Variants in COP1 observed in about 807,000 individuals in gnomAD.
COP1 encodes the protein COP1 E3 ubiquitin ligase, also known as E3 ubiquitin-protein ligase COP1.
A neutral mutation model predicts 101.3 loss-of-function variants in COP1; 24 were observed. The ratio of observed to expected loss-of-function variants is 0.24; its 90% CI spans 0.17 to 0.33. The LOEUF (loss-of-function observed/expected upper bound fraction) is 0.33. COP1 is among the 10% of genes least tolerant of loss of function. The pLI, the probability that COP1 is intolerant of heterozygous loss-of-function variation, is 1.00. For missense variants in COP1, 663 were observed against 906.2 expected (o/e 0.73, Z 3.45); for synonymous variants, 347 against 341.9 (o/e 1.01, Z -0.17).
At chr1:176,001,255 A>T (rs765815659) in intron 15 of COP1, among the ~76,000 whole-genome samples, 1 of 152,146 alleles carries the variant, frequency 6.6e-6, no homozygotes, top group Non-Finnish European at 1.5e-5. Flanking sequence ...ATCATCAGAA[A>T]CATCTATTTC....
intron 5 of COP1, among the ~76,000 whole-genome samples, chr1:176,151,349 AAGAAAAAGAAAGAAAG>A (rs1476954125): frequency 6.0e-5 from 8 of 132,658 alleles, no homozygotes; most frequent in Admixed American, 5.5e-4. Context: ...GAAGGAAAGA[AAGAAAAAGAAAGAAAG>A]AAAGAAAGAA....
intron 3 of COP1, among the ~76,000 whole-genome samples, chr1:176,173,630 G>A (rs1437651282): frequency 6.8e-6 from 1 of 148,108 alleles, no homozygotes; most frequent in Non-Finnish European, 1.5e-5. Flanking sequence ...AGAGTGGGGC[G>A]CTGTCTCAAA....
Position 176,071,727 on chromosome 1 carries a change from C to T in COP1, c.1277+9425G>A, listed in dbSNP as rs565522734. Reference sequence around the variant, plus strand: ...ACTACAAAGATCTTCCTTATATTAACCTTAAAATGTGGCTTCTAGACGTAA... The same window carrying T: ...ACTACAAAGATCTTCCTTATATTAATCTTAAAATGTGGCTTCTAGACGTAA... On this transcript the variant is annotated intron_variant, in intron 11 of 19. Transcript: ENST00000367669. Among the ~76,000 whole-genome samples, 8 of 152,278 alleles carry T rather than the reference C, an allele frequency of 5.3e-5. No homozygotes were observed. The East Asian group carries it at 7.7e-4, about 15-fold the overall frequency.
At chr1:176,202,500 T>C (rs1273134366) in intron 1 of COP1, among the ~76,000 whole-genome samples, 1 of 152,042 alleles carries the variant, frequency 6.6e-6, no homozygotes, top group African/African-American at 2.4e-5. Context: ...CACTTTTTAA[T>C]AGTCTGAAAA....
intron 5 of COP1, among the ~76,000 whole-genome samples, chr1:176,154,530 C>T (rs770516287): frequency 2.0e-5 from 3 of 152,084 alleles, no homozygotes; most frequent in Admixed American, 6.5e-5. Flanking sequence ...CAAACTAACA[C>T]AGGACGAAAA....
chr1:175,964,178 T>C (rs1019327186), intron 18 of COP1, among the ~76,000 whole-genome samples: 5 of 152,196 alleles, frequency 3.3e-5, no homozygotes, highest in South Asian at 2.1e-4. Context: ...TAATACTTAA[T>C]GGTGATAGGA....
intron 11 of COP1, among the ~76,000 whole-genome samples, chr1:176,080,840 T>C (rs1385409963): frequency 1.3e-5 from 2 of 152,116 alleles, no homozygotes; most frequent in African/African-American, 2.4e-5. Flanking sequence ...TAATACCAAT[T>C]CTATACAAAC....
intron 13 of COP1, 115 bp downstream of exon 13, chr1:176,043,595 T>A (rs1671013279): frequency 4.2e-6 from 3 of 712,268 alleles, no homozygotes; most frequent in Middle Eastern, 4.1e-4. Flanking sequence ...TACACAGGTA[T>A]AAAAAATACT....
chr1:176,086,473 GCCT>G, intron 9 of COP1, among the ~76,000 whole-genome samples: 1 of 152,042 alleles, frequency 6.6e-6, no homozygotes, highest in South Asian at 2.1e-4. Context: ...TGATCCACCC[GCCT>G]CGGCCTCCCA....
chr1:176,096,806 T>C (rs552144313), intron 9 of COP1, among the ~76,000 whole-genome samples: 18 of 152,342 alleles, frequency 1.2e-4, no homozygotes, highest in African/African-American at 4.3e-4. Context: ...CTGCTTTACA[T>C]AACTTTCTGT....
At chr1:176,184,519 A>C in intron 2 of COP1, 114 bp downstream of exon 2, 1 of 779,006 alleles carries the variant, frequency 1.3e-6, no homozygotes, top group Non-Finnish European at 2.1e-6. Flanking sequence ...AAGAAAAAAA[A>C]TATGACTGTA....
At chr1:176,140,396 C>T (rs1175159018) in intron 6 of COP1, among the ~76,000 whole-genome samples, 1 of 152,108 alleles carries the variant, frequency 6.6e-6, no homozygotes, top group Admixed American at 6.6e-5. Flanking sequence ...GACAAGGTAT[C>T]AGGCAAGAAA....
chr1:175,961,564 C>G (rs1361446205), intron 18 of COP1, among the ~76,000 whole-genome samples: 1 of 151,858 alleles, frequency 6.6e-6, no homozygotes, highest in East Asian at 1.9e-4. Context: ...GGTGTGGTGG[C>G]TCATGCCTGT....
intron 14 of COP1, among the ~76,000 whole-genome samples, chr1:176,038,726 G>C (rs1047957248): frequency 3.3e-5 from 5 of 151,952 alleles, no homozygotes; most frequent in Non-Finnish European, 7.4e-5. Context: ...GCTGAGGCAG[G>C]AGAATCGCTT....
chr1:176,194,064 A>G (rs1414605518), intron 1 of COP1, among the ~76,000 whole-genome samples: 1 of 152,204 alleles, frequency 6.6e-6, no homozygotes, highest in Non-Finnish European at 1.5e-5. Context: ...TGTATATGAA[A>G]TATTTGAAGG....
chr1:176,042,358 T>C (rs61820968), intron 14 of COP1, among the ~76,000 whole-genome samples: 16,005 of 148,646 alleles, frequency 0.11, 945 homozygotes, highest in Middle Eastern at 0.17. Flanking sequence ...TGAGGTCAGT[T>C]TGATACCAGT....
chr1:176,057,969 C>T (rs1459137101), intron 11 of COP1, among the ~76,000 whole-genome samples: 2 of 151,340 alleles, frequency 1.3e-5, no homozygotes, highest in African/African-American at 2.4e-5. Flanking sequence ...ATATGAGGAG[C>T]GTCTCTGCCT....
At chr1:176,145,738 T>C (rs578090577) in intron 6 of COP1, among the ~76,000 whole-genome samples, 31 of 151,624 alleles carry the variant, frequency 2.0e-4, no homozygotes, top group African/African-American at 7.3e-4. Flanking sequence ...GAATAAAAGA[T>C]TACATACTGC....
At chr1:176,098,561 T>C (rs1682832358) in intron 9 of COP1, among the ~76,000 whole-genome samples, 1 of 152,238 alleles carries the variant, frequency 6.6e-6, no homozygotes. Context: ...TGTGTTAACA[T>C]ATTGACTAAC....
Sources: gnomAD v4.1 joint callset for allele counts (sites outside exome capture counted in the v4.1 genomes callset) on GRCh38, gnomAD v4.1.1 for gene constraint, MANE v1.5 for transcripts, NCBI Gene and HGNC (gene_info 2026-07-23, HGNC 2026-07-21) for gene names.